BAAT: variants seen among roughly 807,000 people sequenced by gnomAD.
The protein encoded by BAAT is bile acid CoA: amino acid N-acyltransferase (glycine N-choloyltransferase).
In BAAT, 13 loss-of-function variants were observed where a neutral mutation model predicts 18.9. That is an observed-to-expected ratio of 0.69 (90% CI 0.45 to 1.10). The LOEUF is 1.10. BAAT is among the 50% of genes least tolerant of loss of function. The pLI is 0.00. For synonymous variants in BAAT, 170 were observed against 190.7 expected (o/e 0.89, Z 0.89); for missense variants, 489 against 504.0 (o/e 0.97, Z 0.28).
chr9:101,368,019 T>C, intron 3 of BAAT, 101 bp downstream of exon 3: 1 of 1,299,686 alleles, frequency 7.7e-7, no homozygotes, highest in Middle Eastern at 2.2e-4. Context: ...GCCACTGCAC[T>C]CCAGCCTGGG....
intron 1 of BAAT, among the ~76,000 whole-genome samples, chr9:101,379,491 A>C (rs939846223): frequency 6.6e-6 from 1 of 152,248 alleles, no homozygotes; most frequent in Admixed American, 6.5e-5. Context: ...CTATATGGCC[A>C]ATCACTATTC....
At chr9:101,378,314 C>T (rs892566309) in intron 1 of BAAT, among the ~76,000 whole-genome samples, 2 of 152,154 alleles carry the variant, frequency 1.3e-5, no homozygotes, top group African/African-American at 2.4e-5. Flanking sequence ...CATCATGCTA[C>T]CTGACTTCAA....
chr9:101,380,574 A>G (rs1830116245), intron 1 of BAAT, among the ~76,000 whole-genome samples: 1 of 152,182 alleles, frequency 6.6e-6, no homozygotes, highest in South Asian at 2.1e-4. Context: ...AAAGCTAGGT[A>G]GAAGCTGTAT....
At chr9:101,367,643 C>T (rs1223804118) in intron 3 of BAAT, among the ~76,000 whole-genome samples, 1 of 152,072 alleles carries the variant, frequency 6.6e-6, no homozygotes, top group Non-Finnish European at 1.5e-5. Flanking sequence ...CCTGCTACCA[C>T]ACCCAGCTAT....
At chr9:101,379,887 T>C (rs974863073) in intron 1 of BAAT, among the ~76,000 whole-genome samples, 13 of 152,240 alleles carry the variant, frequency 8.5e-5, no homozygotes, top group Non-Finnish European at 1.5e-4. Flanking sequence ...TTATCTCTCA[T>C]TGTTTTACTT....
rs1444466914 is a variant in BAAT at position 101,383,815 on chromosome 9, CAATAA to C, written c.-60+1035_-60+1039del. ...ACCATTAGGGCATATTTTTCTTCTG[CAATAA>C]AATACTCAAGGTAACTTCTGGAGGG... On this transcript the variant is annotated intron_variant, in intron 1 of 3. Transcript: ENST00000259407. Among the ~76,000 whole-genome samples, 27 of 152,248 alleles carry C rather than the reference CAATAA, an allele frequency of 1.8e-4. 1 individual carries two copies. The East Asian group carries it at 5.2e-3, about 29-fold the overall frequency.
In BAAT at chr9:101,360,631, C is replaced by A. The variant is rs1829703361; in HGVS notation, c.*1797G>T. 6.6e-6 allele frequency: 1 copy of A among 151,970 alleles called. No homozygotes were observed. The highest frequency in any genetic ancestry group is 2.4e-5 in the African/African-American group (1 of 41,328). 9.4% of individuals were successfully genotyped at this position (151,970 alleles called of 1,614,324 possible). ...GCCACACACTTTTAAACAGTCATAT[C>A]TCTTGAGAACTCACTCACTATCATA... is the stretch of plus-strand genomic sequence containing the variant. On this transcript the variant is annotated 3_prime_UTR_variant, in exon 4 of 4. Transcript: ENST00000259407.
intron 2 of BAAT, among the ~76,000 whole-genome samples, chr9:101,370,641 T>C (rs932001802): frequency 8.5e-5 from 13 of 152,110 alleles, no homozygotes; most frequent in African/African-American, 3.1e-4. Flanking sequence ...ATAAACTATA[T>C]GTAGTCACAT....
intron 3 of BAAT, 85 bp from the exon 4 acceptor site, chr9:101,363,100 G>T: frequency 7.7e-7 from 1 of 1,296,144 alleles, no homozygotes; most frequent in Non-Finnish European, 1.1e-6. Context: ...GAACTTCACT[G>T]GCTAATGAGA....
chr9:101,366,618 A>G (rs1219213085), intron 3 of BAAT, among the ~76,000 whole-genome samples: 4 of 152,158 alleles, frequency 2.6e-5, no homozygotes, highest in African/African-American at 9.7e-5. Context: ...AAAAAAGAGA[A>G]TCACATAACC....
chr9:101,373,136 T>C (rs930272389), intron 1 of BAAT, among the ~76,000 whole-genome samples: 4 of 152,064 alleles, frequency 2.6e-5, no homozygotes, highest in South Asian at 2.1e-4. Flanking sequence ...GACAGCAAAT[T>C]CTTGCTCAGC....
intron 1 of BAAT, among the ~76,000 whole-genome samples, chr9:101,376,872 C>T (rs1436021948): frequency 6.6e-6 from 1 of 152,092 alleles, no homozygotes; most frequent in Non-Finnish European, 1.5e-5. Context: ...TGTAAGAGGG[C>T]ATTAATGGGC....
At position 101,362,231 on chromosome 9, in the gene BAAT, A is replaced by C; in HGVS notation, c.*197T>G. The C allele has an allele frequency of 1.6e-6, 1 of 631,130 alleles. No individual in the cohort carries two copies. Among genetic ancestry groups the C allele is most frequent in the Non-Finnish European group, 2.7e-6 (1 of 364,100 alleles). The allele number at this position is 631,130 out of a possible 1,614,324, so 39.1% of individuals were successfully genotyped here. On this transcript the variant is annotated 3_prime_UTR_variant, in exon 4 of 4. Coordinates refer to ENST00000259407, the MANE Select transcript of BAAT (RefSeq NM_001701.4). The stretch of plus-strand genomic sequence containing the variant: ...AGTAAAATGATTTGTTTTATGATTT[A>C]TTCACCATGTCCAGTTTGGTTAGCT...
chr9:101,367,996 A>C, intron 3 of BAAT, 124 bp downstream of exon 3: 1 of 1,000,398 alleles, frequency 1.0e-6, no homozygotes, highest in Non-Finnish European at 1.5e-6. Context: ...CTTCTGGCCA[A>C]GTGTCAGATC....
chr9:101,370,756 C>A (rs1829921438), intron 2 of BAAT, among the ~76,000 whole-genome samples, 183 bp downstream of exon 2: 1 of 152,098 alleles, frequency 6.6e-6, no homozygotes, highest in South Asian at 2.1e-4. Flanking sequence ...AGGCAGGAAG[C>A]AGTGCTCTAG....
chr9:101,370,013 A>C (rs973038839), intron 2 of BAAT, among the ~76,000 whole-genome samples: 1 of 152,184 alleles, frequency 6.6e-6, no homozygotes, highest in Admixed American at 6.5e-5. Flanking sequence ...TAGAGGTTAC[A>C]AAGTTTCTTG....
intron 3 of BAAT, 58 bp downstream of exon 3, chr9:101,368,062 C>T: frequency 6.4e-7 from 1 of 1,554,258 alleles, no homozygotes; most frequent in Non-Finnish European, 8.9e-7. Context: ...TTAACAAAAA[C>T]AAAAACAGAA....
rs891645516 is a variant in BAAT at position 101,384,998 on chromosome 9, C to A, written c.-203G>T. The stretch of plus-strand genomic sequence containing the variant: ...GGGTGATGTCACATATCAGCAGGAC[C>A]GTGAGGCCCCGAGCCACAAAACCAG... On this transcript the variant is annotated 5_prime_UTR_variant, in exon 1 of 4. Coordinates refer to ENST00000259407, the MANE Select transcript of BAAT (RefSeq NM_001701.4). 2.6e-5 allele frequency among the ~76,000 whole-genome samples: 4 copies of A among 151,566 alleles called. No individual in the cohort carries two copies. Among genetic ancestry groups the A allele is most frequent in the South Asian group, 2.1e-4 (1 of 4,810 alleles).
At position 101,371,046 on chromosome 9, in the gene BAAT, C is replaced by G; in HGVS notation, c.359G>C (p.Ser120Thr). 1 of 1,614,110 alleles carries G rather than the reference C, an allele frequency of 6.2e-7. No individual in the cohort carries two copies. The highest frequency in any genetic ancestry group is 8.5e-7 in the Non-Finnish European group (1 of 1,180,014). ...CAAAGTCAGGCTGGCCTTTGGAGCA[C>G]TGGCAACTTTATTGTTCACTATTAA... is the stretch of plus-strand genomic sequence containing the variant. Reference protein sequence around the residue: ...LELIVNNKVASAPKASLTLER... With the variant: ...LELIVNNKVATAPKASLTLER... Residue 120 changes from serine (S) to threonine (T), a missense_variant, in exon 2 of 4, where the codon AGT (serine) becomes ACT (threonine). Transcript: ENST00000259407.
Sources: allele counts gnomAD v4.1 joint callset (sites outside exome capture counted in the v4.1 genomes callset), GRCh38; gene constraint gnomAD v4.1.1; transcripts MANE v1.5; gene names NCBI Gene and HGNC (gene_info 2026-07-23, HGNC 2026-07-21).